The following SLC38A9 variants were observed in gnomAD, a reference collection of about 807,000 sequenced individuals.
The protein encoded by SLC38A9 is neutral amino acid transporter 9.
In SLC38A9, 48 loss-of-function variants were observed where a neutral mutation model predicts 62.3. That is an observed-to-expected ratio of 0.77 (90% CI 0.61 to 0.98). The LOEUF is 0.98. Among genes scored for constraint, SLC38A9 ranks in the 50% least tolerant of loss-of-function variants. The pLI is 0.00. For missense variants in SLC38A9, 541 were observed against 679.8 expected (o/e 0.80, Z 2.27); for synonymous variants, 204 against 227.7 (o/e 0.90, Z 0.94).
chr5:55,692,867 T>C (rs968876035), intron 3 of SLC38A9: 1 of 979,554 alleles, frequency 1.0e-6, no homozygotes, highest in Non-Finnish European at 1.2e-6. Flanking sequence ...TTGGATTATA[T>C]AAGTAAGAAT....
intron 2 of SLC38A9, among the ~76,000 whole-genome samples, chr5:55,700,388 C>T (rs1756495968): frequency 6.7e-6 from 1 of 148,972 alleles, no homozygotes; most frequent in African/African-American, 2.5e-5. Context: ...AAATCCCAGA[C>T]CAAAGGGGAA....
intron 1 of SLC38A9, 118 bp downstream of exon 1, chr5:55,712,099 G>T (rs949578581): frequency 1.3e-5 from 2 of 152,284 alleles, no homozygotes; most frequent in African/African-American, 4.8e-5. Context: ...GCGCTGCAAA[G>T]AACTATCCCA....
intron 3 of SLC38A9, among the ~76,000 whole-genome samples, chr5:55,680,673 G>A (rs1223676487): frequency 6.6e-6 from 1 of 152,158 alleles, no homozygotes; most frequent in Non-Finnish European, 1.5e-5. Flanking sequence ...AATGGACAAG[G>A]CACTTAAGGA....
At chr5:55,671,975 G>C (rs192928577) in intron 4 of SLC38A9, among the ~76,000 whole-genome samples, 29 of 152,040 alleles carry the variant, frequency 1.9e-4, no homozygotes, top group African/African-American at 6.5e-4. Context: ...AGCCTCTCAA[G>C]TAGCTGGAAC....
chr5:55,670,541 G>A (rs1751139476), intron 4 of SLC38A9, among the ~76,000 whole-genome samples: 1 of 152,034 alleles, frequency 6.6e-6, no homozygotes, highest in Admixed American at 6.5e-5. Context: ...AAACGAGTGT[G>A]GATGTATACA....
At chr5:55,641,389 G>A (rs1031632156) in intron 12 of SLC38A9, among the ~76,000 whole-genome samples, 1 of 152,134 alleles carries the variant, frequency 6.6e-6, no homozygotes. Flanking sequence ...CTGAGAATTC[G>A]ATTAATGTGA....
At chr5:55,653,821 G>A (rs1246023615) in intron 9 of SLC38A9, among the ~76,000 whole-genome samples, 1 of 152,052 alleles carries the variant, frequency 6.6e-6, no homozygotes, top group Non-Finnish European at 1.5e-5. Flanking sequence ...ACCATGCCCG[G>A]CTAATTTTTG....
At chr5:55,688,457 GC>G (rs1314615881) in intron 3 of SLC38A9, among the ~76,000 whole-genome samples, 2 of 142,714 alleles carry the variant, frequency 1.4e-5, no homozygotes, top group Non-Finnish European at 3.0e-5. Flanking sequence ...CCGGCTCACT[GC>G]AAGCTCTGCC....
At chr5:55,692,169 C>T (rs112763807) in intron 3 of SLC38A9, among the ~76,000 whole-genome samples, 237 of 152,098 alleles carry the variant, frequency 1.6e-3, no homozygotes, top group Non-Finnish European at 2.4e-3. Context: ...TAATGCAATG[C>T]GTATTAGAAA....
chr5:55,705,736 C>G (rs1265580418), intron 2 of SLC38A9, among the ~76,000 whole-genome samples: 3 of 147,816 alleles, frequency 2.0e-5, no homozygotes, highest in Non-Finnish European at 3.0e-5. Flanking sequence ...GTGACGGAGT[C>G]TCGCTCTGTC....
At chr5:55,638,845 G>C (rs1317062556) in intron 12 of SLC38A9, among the ~76,000 whole-genome samples, 1 of 152,068 alleles carries the variant, frequency 6.6e-6, no homozygotes, top group African/African-American at 2.4e-5. Context: ...ACTAAACACA[G>C]ACAAAACAAA....
intron 14 of SLC38A9, 139 bp downstream of exon 14, chr5:55,633,615 G>A (rs960835756): frequency 2.7e-5 from 31 of 1,141,066 alleles, no homozygotes; most frequent in Non-Finnish European, 3.7e-6. Context: ...TCAGGGAAGA[G>A]GACACCAATG....
chr5:55,685,085 T>C (rs1316434661), intron 3 of SLC38A9, among the ~76,000 whole-genome samples: 1 of 152,260 alleles, frequency 6.6e-6, no homozygotes, highest in Non-Finnish European at 1.5e-5. Context: ...GTCTTATTAG[T>C]TGTCCTATGT....
intron 13 of SLC38A9, 148 bp downstream of exon 13, chr5:55,635,396 G>C (rs1744188684): frequency 1.4e-6 from 1 of 690,398 alleles, no homozygotes; most frequent in African/African-American, 1.8e-5. Context: ...AAGGGAAGGT[G>C]CCTAAATTCC....
chr5:55,652,528 C>T lies in SLC38A9; in HGVS notation c.952+1G>A. Reference sequence around the variant, plus strand: ...CTCCATAATTCAGTGCTACTACTTACCTAGGATATTAAATTTTGAAAAAAA... The same window carrying T: ...CTCCATAATTCAGTGCTACTACTTATCTAGGATATTAAATTTTGAAAAAAA... On this transcript the variant is annotated splice_donor_variant, in intron 10 of 15. Transcript: ENST00000396865. LOFTEE classifies it high-confidence loss of function. The T allele has an allele frequency of 6.3e-7, 1 of 1,587,296 alleles. No individual in the cohort carries two copies. The highest frequency in any genetic ancestry group is 8.6e-7 in the Non-Finnish European group (1 of 1,163,502).
intron 2 of SLC38A9, among the ~76,000 whole-genome samples, chr5:55,709,007 T>C (rs186182371): frequency 7.4e-4 from 113 of 152,362 alleles, no homozygotes; most frequent in Non-Finnish European, 1.5e-3. Context: ...TATATTTTCT[T>C]CTGTATTAGT....
Position 55,627,878 on chromosome 5 carries a change from T to C in SLC38A9, c.1520+13A>G. On this transcript the variant is annotated intron_variant, in intron 15 of 15. Coordinates refer to ENST00000396865, the MANE Select transcript of SLC38A9 (RefSeq NM_173514.4). Reference sequence around the variant, plus strand: ...AATATATGTAAGGGCACCATTCCCTTACAAGGCAGTACCTTATGATCCCTC... The same window carrying C: ...AATATATGTAAGGGCACCATTCCCTCACAAGGCAGTACCTTATGATCCCTC... 1 of 1,555,984 alleles carries C rather than the reference T, an allele frequency of 6.4e-7. No individual in the cohort carries two copies. Among genetic ancestry groups the C allele is most frequent in the Non-Finnish European group, 8.8e-7 (1 of 1,130,184 alleles).
intron 14 of SLC38A9, 126 bp downstream of exon 14, chr5:55,633,628 C>T: frequency 3.1e-6 from 4 of 1,275,078 alleles, no homozygotes; most frequent in African/African-American, 1.5e-5. Context: ...CACCAATGAT[C>T]TATCTTTAGT....
At chr5:55,650,919 G>T (rs1747276607) in intron 10 of SLC38A9, among the ~76,000 whole-genome samples, 1 of 152,012 alleles carries the variant, frequency 6.6e-6, no homozygotes, top group Admixed American at 6.6e-5. Context: ...AGCCTCCCGA[G>T]TAGCTGGGAT....
Sources: gnomAD v4.1 joint callset for allele counts (sites outside exome capture counted in the v4.1 genomes callset) on GRCh38, gnomAD v4.1.1 for gene constraint, MANE v1.5 for transcripts, NCBI Gene and HGNC (gene_info 2026-07-23, HGNC 2026-07-21) for gene names.